The following SPMIP2 variants were observed in gnomAD, a reference collection of about 807,000 sequenced individuals.
SPMIP2 encodes sperm microtubule inner protein 2, also known as protein SPMIP2.
the SPMIP2 span, among the ~76,000 whole-genome samples, chr4:159,075,600 G>A: frequency 6.6e-6 from 1 of 151,996 alleles, no homozygotes; most frequent in Non-Finnish European, 1.5e-5. Context: ...TGATAATCTT[G>A]GTCACTTTAA....
the SPMIP2 span, among the ~76,000 whole-genome samples, chr4:158,931,079 G>T: frequency 1.2e-4 from 19 of 152,042 alleles, no homozygotes; most frequent in African/African-American, 3.9e-4. Context: ...GTGTCCCACA[G>T]TCTCAGAGGC....
chr4:159,028,622 C>T, the SPMIP2 span, among the ~76,000 whole-genome samples: 14 of 152,150 alleles, frequency 9.2e-5, no homozygotes, highest in Non-Finnish European at 7.4e-5. Flanking sequence ...TGTGCCACCG[C>T]ATTCAGCCCA....
chr4:158,984,421 T>C, the SPMIP2 span, among the ~76,000 whole-genome samples: 10 of 150,400 alleles, frequency 6.6e-5, no homozygotes, highest in African/African-American at 7.3e-5. Context: ...ACAGAAATTA[T>C]AACAAACTGT....
chr4:159,034,967 A>C, the SPMIP2 span: 6 of 1,167,786 alleles, frequency 5.1e-6, 1 homozygote, highest in Non-Finnish European at 7.5e-6. Context: ...TTATATAAAA[A>C]TCATATATGT....
the SPMIP2 span, among the ~76,000 whole-genome samples, chr4:159,066,459 A>G: frequency 6.6e-6 from 1 of 152,076 alleles, no homozygotes; most frequent in Non-Finnish European, 1.5e-5. Context: ...GCATGAATTC[A>G]GAACCTTCAA....
chr4:158,899,918 A>G, the SPMIP2 span, among the ~76,000 whole-genome samples: 2 of 151,996 alleles, frequency 1.3e-5, no homozygotes, highest in Non-Finnish European at 2.9e-5. Flanking sequence ...TTGCTTCTCT[A>G]GTTCTTTTAA....
At chr4:159,005,362 T>G in the SPMIP2 span, among the ~76,000 whole-genome samples, 5 of 151,798 alleles carry the variant, frequency 3.3e-5, no homozygotes, top group East Asian at 9.7e-4. Context: ...GATAATTGCT[T>G]AAACCTGGGA....
the SPMIP2 span, among the ~76,000 whole-genome samples, chr4:159,044,022 A>C: frequency 3.3e-5 from 5 of 152,262 alleles, no homozygotes; most frequent in African/African-American, 4.8e-5. Flanking sequence ...GCCAGGATTA[A>C]GAAAATACTC....
the SPMIP2 span, among the ~76,000 whole-genome samples, chr4:158,996,456 A>G: frequency 6.6e-6 from 1 of 152,264 alleles, no homozygotes; most frequent in African/African-American, 2.4e-5. Context: ...TAGTCTCTAG[A>G]TATTTCATGA....
the SPMIP2 span, among the ~76,000 whole-genome samples, chr4:158,964,878 C>T: frequency 6.6e-6 from 1 of 152,230 alleles, no homozygotes; most frequent in South Asian, 2.1e-4. Flanking sequence ...TCAGATCTCA[C>T]GAGAACTCAC....
the SPMIP2 span, among the ~76,000 whole-genome samples, chr4:159,003,182 A>G: frequency 6.6e-6 from 1 of 152,156 alleles, no homozygotes; most frequent in African/African-American, 2.4e-5. Context: ...GTGGTTCGCA[A>G]TTGGTTTACA....
chr4:159,031,828 T>C, the SPMIP2 span, among the ~76,000 whole-genome samples: 1 of 152,204 alleles, frequency 6.6e-6, no homozygotes, highest in Non-Finnish European at 1.5e-5. Context: ...TGGGAGTTCA[T>C]TGGCGTGTGT....
chr4:159,011,705 GATTGCACC>G, the SPMIP2 span, among the ~76,000 whole-genome samples: 2 of 145,478 alleles, frequency 1.4e-5, no homozygotes, highest in Non-Finnish European at 3.0e-5. Context: ...GTTGAGCCAA[GATTGCACC>G]ATTGCACTCC....
chr4:158,893,843 ATTG>A, the SPMIP2 span: 1 of 621,778 alleles, frequency 1.6e-6, no homozygotes, highest in Non-Finnish European at 2.8e-6. Context: ...AAAGCAATAA[ATTG>A]TTATAGTTAA....
At chr4:158,986,195 A>T in the SPMIP2 span, among the ~76,000 whole-genome samples, 1 of 151,748 alleles carries the variant, frequency 6.6e-6, no homozygotes, top group East Asian at 1.9e-4. Context: ...ATATCGTGAA[A>T]ATGGCCATAC....
the SPMIP2 span, among the ~76,000 whole-genome samples, chr4:159,081,840 G>T: frequency 6.6e-6 from 1 of 152,126 alleles, no homozygotes; most frequent in Non-Finnish European, 1.5e-5. Context: ...ATAAACAGTG[G>T]TACAGTTAAC....
the SPMIP2 span, among the ~76,000 whole-genome samples, chr4:159,040,622 C>T: frequency 6.6e-6 from 1 of 152,182 alleles, no homozygotes; most frequent in Admixed American, 6.5e-5. Context: ...TGTACCACCA[C>T]ACTTGGCTAA....
chr4:159,051,973 C>T, the SPMIP2 span, among the ~76,000 whole-genome samples: 3 of 152,076 alleles, frequency 2.0e-5, no homozygotes, highest in Non-Finnish European at 4.4e-5. Flanking sequence ...GCCCCCACAC[C>T]CTCCAGCTAC....
chr4:158,899,264 G>C, the SPMIP2 span, among the ~76,000 whole-genome samples: 1 of 152,116 alleles, frequency 6.6e-6, no homozygotes, highest in African/African-American at 2.4e-5. Flanking sequence ...GTTTTATTGA[G>C]GATTTTTGCA....
Sources: allele counts gnomAD v4.1 joint callset (sites outside exome capture counted in the v4.1 genomes callset), GRCh38; gene constraint gnomAD v4.1.1; transcripts MANE v1.5; gene names NCBI Gene and HGNC (gene_info 2026-07-23, HGNC 2026-07-21).